SEC14L3: variants seen among roughly 807,000 people sequenced by gnomAD.
SEC14L3 encodes the protein SEC14 like lipid binding 3.
SEC14L3 carries 56 observed loss-of-function variants against 57.4 expected under a neutral mutation model. The observed-to-expected ratio is 0.97, with a 90% CI of 0.79 to 1.22. The LOEUF is 1.22. Among genes scored for constraint, SEC14L3 ranks in the 50% most tolerant of loss-of-function variants. SEC14L3 has a pLI of 0.00. For missense variants in SEC14L3, 485 were observed against 511.7 expected (o/e 0.95, Z 0.50); for synonymous variants, 173 against 194.4 (o/e 0.89, Z 0.92).
rs376422135 is a variant in SEC14L3, at chr22:30,471,873, T to A, written c.54+32A>T. The A allele has an allele frequency of 3.2e-5, 51 of 1,613,260 alleles. No individual in the cohort carries two copies. The African/African-American group carries it at 5.2e-4, about 16-fold the overall frequency. On this transcript the variant is annotated intron_variant, in intron 1 of 11. Transcript: ENST00000215812. ...CCACCCCCCAGCCCCTTTCCCCTGGTCTTCCGGAACTCCAGGGGGAGGGGC... is the reference window on the plus strand; with the variant it reads ...CCACCCCCCAGCCCCTTTCCCCTGGACTTCCGGAACTCCAGGGGGAGGGGC...
Position 30,461,703 on chromosome 22 carries a change from A to G in SEC14L3, c.772-9T>C, listed in dbSNP as rs1935272595. ...TCCCCGCCATAGTTAATCTGCGGAC[A>G]TGGGATGAGATGGGCTTGCTTCCGT... On this transcript the variant is annotated splice_polypyrimidine_tract_variant and intron_variant, in intron 9 of 11. Coordinates refer to ENST00000215812, the MANE Select transcript of SEC14L3 (RefSeq NM_174975.5). 3.7e-6 allele frequency: 6 copies of G among 1,608,896 alleles called. No homozygotes were observed. Among genetic ancestry groups the G allele is most frequent in the Non-Finnish European group, 4.2e-6 (5 of 1,177,542 alleles).
chr22:30,470,494 C>T lies in SEC14L3; in HGVS notation c.130+13G>A, dbSNP rs762882278. 1.5e-5 allele frequency: 25 copies of T among 1,614,098 alleles called. No homozygotes were observed. Among genetic ancestry groups the T allele is most frequent in the Non-Finnish European group, 2.0e-5 (24 of 1,180,016 alleles). ...TGCCCCCTGATCCCAACCTCTCCCA[C>T]CTCTGCCCTCACCTCGGAGCCAGCG... On this transcript the variant is annotated intron_variant, in intron 2 of 11. Coordinates refer to ENST00000215812, the MANE Select transcript of SEC14L3 (RefSeq NM_174975.5).
chr22:30,470,161 A>G (rs1201881569), intron 3 of SEC14L3, 51 bp downstream of exon 3: 2 of 1,612,432 alleles, frequency 1.2e-6, no homozygotes, highest in African/African-American at 2.7e-5. Context: ...TGAGGCATGG[A>G]TTGCCCCTGA....
chr22:30,460,052 T>G lies in SEC14L3; in HGVS notation c.1172A>C (p.Gln391Pro). ...AGGGGTGAGCTCCTTATCATATTTC[T>G]GCATGCCCTCGTCAGGGAGCAGGAC... ...VEVLLPDEGM[Q>P]KYDKELTPV The change falls in exon 12 of 12, where the codon CAG becomes CCG. Residue 391 changes from glutamine (Q) to proline (P), a missense_variant. Physicochemically the swap from Gln to Pro is moderately conservative, Grantham distance 76. Coordinates refer to ENST00000215812, the MANE Select transcript of SEC14L3 (RefSeq NM_174975.5). The G allele has an allele frequency of 6.2e-7, 1 of 1,614,200 alleles. No individual in the cohort carries two copies. Among genetic ancestry groups the G allele is most frequent in the Non-Finnish European group, 8.5e-7 (1 of 1,180,032 alleles).
At chr22:30,467,996 C>A (rs1935474946) in intron 5 of SEC14L3, among the ~76,000 whole-genome samples, 1 of 152,124 alleles carries the variant, frequency 6.6e-6, no homozygotes, top group South Asian at 2.1e-4. Flanking sequence ...GAATTCTATT[C>A]CCGGCCTGGT....
At position 30,469,786 on chromosome 22, in the gene SEC14L3, G is replaced by C. The variant is rs532484754; in HGVS notation, c.234+233C>G. Among the ~76,000 whole-genome samples, 72 of 152,286 alleles carry C rather than the reference G, an allele frequency of 4.7e-4. 1 individual carries two copies. In the Middle Eastern group the frequency reaches 0.017, roughly 36 times the overall value. ...CTTCAGTGTCCTCATCCACAAAATGGGGACAATAGCATCCATCATTGTGAT... is the reference window on the plus strand; with the variant it reads ...CTTCAGTGTCCTCATCCACAAAATGCGGACAATAGCATCCATCATTGTGAT... On this transcript the variant is annotated intron_variant, in intron 4 of 11. Transcript: ENST00000215812.
At position 30,471,886 on chromosome 22, in the gene SEC14L3, C is replaced by T. The variant is rs1010061861; in HGVS notation, c.54+19G>A. 4.3e-6 allele frequency: 7 copies of T among 1,613,406 alleles called. No homozygotes were observed. The highest frequency in any genetic ancestry group is 5.9e-6 in the Non-Finnish European group (7 of 1,179,676). ...CCTTTCCCCTGGTCTTCCGGAACTC[C>T]AGGGGGAGGGGCTCTCACCTTGGCC... On this transcript the variant is annotated intron_variant, in intron 1 of 11. Transcript: ENST00000215812.
chr22:30,449,132 T>C (rs1171545539), exon 13 of SEC14L3: 1 of 1,550,632 alleles, frequency 6.4e-7, no homozygotes, highest in South Asian at 1.2e-5. Context: ...GCTTGCATTT[T>C]CGTACCATTT....
chr22:30,459,634 T>G lies in SEC14L3; in HGVS notation c.*387A>C. On this transcript the variant is annotated 3_prime_UTR_variant, in exon 12 of 12. Coordinates refer to ENST00000215812, the MANE Select transcript of SEC14L3 (RefSeq NM_174975.5). Reference sequence around the variant, plus strand: ...CTGAGCATCTACTATATATAGGGAGTGGAAGTAAAAAGGATTTAGATATGT... The same window carrying G: ...CTGAGCATCTACTATATATAGGGAGGGGAAGTAAAAAGGATTTAGATATGT... 2.0e-6 allele frequency: 2 copies of G among 1,001,324 alleles called. No homozygotes were observed. The highest frequency in any genetic ancestry group is 5.3e-5 in the Admixed American group (1 of 18,764). 62.0% of individuals were successfully genotyped at this position (1,001,324 alleles called of 1,614,324 possible). A position where few individuals can be genotyped will look rare whatever the true frequency, so the allele number is the denominator to read the frequency against.
chr22:30,455,700 C>T (rs1291085296), downstream of SEC14L3, among the ~76,000 whole-genome samples: 1 of 152,174 alleles, frequency 6.6e-6, no homozygotes, highest in African/African-American at 2.4e-5. Flanking sequence ...TCATTAGCAC[C>T]AGCATAGTGT....
At chr22:30,455,200 A>AT (rs1935098104), downstream of SEC14L3, among the ~76,000 whole-genome samples, 2 of 61,366 alleles carry the variant, frequency 3.3e-5, no homozygotes, top group South Asian at 3.6e-4. Context: ...ATATAATATA[A>AT]ATTAATATAA....
downstream of SEC14L3, among the ~76,000 whole-genome samples, chr22:30,454,558 A>AATATTATATATAATCT (rs1569224956): frequency 9.5e-4 from 38 of 40,200 alleles, 7 homozygotes; most frequent in African/African-American, 5.7e-3. Flanking sequence ...TATAATCTAT[A>AATATTATATATAATCT]ATAATATTAT....
intron 7 of SEC14L3, 84 bp from the exon 8 acceptor site, chr22:30,464,987 G>A: frequency 6.3e-7 from 1 of 1,588,638 alleles, no homozygotes; most frequent in East Asian, 2.3e-5. Context: ...CAATGATACA[G>A]AGGAGTCATG....
intron 8 of SEC14L3, among the ~76,000 whole-genome samples, chr22:30,462,600 T>G (rs1935302512): frequency 6.6e-6 from 1 of 152,134 alleles, no homozygotes; most frequent in Non-Finnish European, 1.5e-5. Context: ...TTTGGTTTTT[T>G]TTTGTAGAGA....
At chr22:30,470,622 T>G in intron 1 of SEC14L3, 40 bp from the exon 2 acceptor site, 1 of 1,613,896 alleles carries the variant, frequency 6.2e-7, no homozygotes, top group Non-Finnish European at 8.5e-7. Context: ...TCTCTCACAT[T>G]GAGCCTTGGC....
chr22:30,470,691 C>T (rs1935579261), intron 1 of SEC14L3, 109 bp from the exon 2 acceptor site: 9 of 1,548,230 alleles, frequency 5.8e-6, no homozygotes, highest in Non-Finnish European at 7.9e-6. Context: ...CAAAATGGCC[C>T]ACATTGATGA....
At chr22:30,470,355 T>A (rs1395282851) in intron 2 of SEC14L3, 100 bp from the exon 3 acceptor site, 2 of 1,589,110 alleles carry the variant, frequency 1.3e-6, no homozygotes, top group African/African-American at 1.3e-5. Flanking sequence ...GGGTGAGACC[T>A]TGCTCCCCTA....
At chr22:30,454,770 A>T (rs1478462928), downstream of SEC14L3, among the ~76,000 whole-genome samples, 20 of 79,192 alleles carry the variant, frequency 2.5e-4, no homozygotes, top group Non-Finnish European at 3.5e-4. Context: ...TATAATATAT[A>T]ATATATTATT....
intron 12 of SEC14L3, among the ~76,000 whole-genome samples, chr22:30,451,279 G>T (rs965350503): frequency 1.4e-4 from 21 of 152,160 alleles, no homozygotes; most frequent in African/African-American, 4.3e-4. Context: ...GTTGGGGCAG[G>T]GGAGCGTGAA....
Sources: allele counts gnomAD v4.1 joint callset (sites outside exome capture counted in the v4.1 genomes callset), GRCh38; gene constraint gnomAD v4.1.1; transcripts MANE v1.5; gene names NCBI Gene and HGNC (gene_info 2026-07-23, HGNC 2026-07-21).